ADD3: variants seen among roughly 807,000 people sequenced by gnomAD.
ADD3 encodes the protein gamma-adducin.
In ADD3, 25 loss-of-function variants were observed where a neutral mutation model predicts 80.2. That is an observed-to-expected ratio of 0.31 (90% CI 0.23 to 0.44). The LOEUF (loss-of-function observed/expected upper bound fraction) is 0.44, where lower values mean the gene tolerates loss of function less well. Among genes scored for constraint, ADD3 ranks in the 20% least tolerant of loss-of-function variants. The pLI, the probability that ADD3 is intolerant of heterozygous loss-of-function variation, is 1.00. For missense variants in ADD3, 829 were observed against 847.5 expected (o/e 0.98, Z 0.27); for synonymous variants, 284 against 289.6 (o/e 0.98, Z 0.20).
intron 1 of ADD3, among the ~76,000 whole-genome samples, chr10:110,052,556 T>A (rs765225706): frequency 1.3e-5 from 2 of 152,188 alleles, no homozygotes; most frequent in Non-Finnish European, 2.9e-5. Flanking sequence ...ATCCCCTTTC[T>A]TCCCGACCCC....
rs751347341 is a variant in ADD3, at chr10:110,133,370, C to G, written c.1873C>G (p.Pro625Ala). 37 of 1,604,778 alleles carry G rather than the reference C, an allele frequency of 2.3e-5. No individual in the cohort carries two copies. The highest frequency in any genetic ancestry group is 3.0e-5 in the Non-Finnish European group (35 of 1,172,832). ...CAAGAGCTTCATCTCCATGGAAGTGCCTGTCATGGTAGTAAATGGCAAGGA... is the reference window on the plus strand; with the variant it reads ...CAAGAGCTTCATCTCCATGGAAGTGGCTGTCATGGTAGTAAATGGCAAGGA... ...FSKSFISMEV[P>A]VMVVNGKDDM... Residue 625 changes from proline (P) to alanine (A), a missense_variant, in exon 15 of 15, where the codon CCT becomes GCT. Pro to Ala is a conservative substitution (Grantham distance 27). Coordinates refer to ENST00000356080, the MANE Select transcript of ADD3 (RefSeq NM_016824.5).
chr10:110,111,674 G>A (rs1390133960), intron 2 of ADD3, among the ~76,000 whole-genome samples: 4 of 152,114 alleles, frequency 2.6e-5, no homozygotes, highest in Non-Finnish European at 5.9e-5. Flanking sequence ...CCAGCACTTC[G>A]GAAGGCAGAG....
chr10:110,078,619 C>T (rs1237652432), intron 1 of ADD3, among the ~76,000 whole-genome samples: 1 of 152,138 alleles, frequency 6.6e-6, no homozygotes, highest in East Asian at 1.9e-4. Flanking sequence ...CAGTGTACAG[C>T]TATTAGTTGT....
intron 1 of ADD3, among the ~76,000 whole-genome samples, chr10:110,094,152 C>G (rs1456554476): frequency 6.6e-6 from 1 of 152,034 alleles, no homozygotes; most frequent in Non-Finnish European, 1.5e-5. Context: ...AATTTTAGTT[C>G]TTCTTAATAG....
intron 9 of ADD3, among the ~76,000 whole-genome samples, chr10:110,123,227 A>G (rs1851730432): frequency 6.6e-6 from 1 of 152,152 alleles, no homozygotes; most frequent in South Asian, 2.1e-4. Flanking sequence ...CTTTGGATAT[A>G]TATCTGGTAG....
chr10:110,131,495 T>C (rs142800609), intron 13 of ADD3, among the ~76,000 whole-genome samples: 82 of 152,310 alleles, frequency 5.4e-4, no homozygotes, highest in African/African-American at 1.9e-3. Context: ...CAACATACAG[T>C]TGAAATTTTC....
At chr10:110,130,749 T>A (rs1239153848) in intron 13 of ADD3, among the ~76,000 whole-genome samples, 1 of 151,572 alleles carries the variant, frequency 6.6e-6, no homozygotes, top group Non-Finnish European at 1.5e-5. Context: ...CTAGCTACTC[T>A]GGTGGCTGAG....
chr10:110,028,120 G>A (rs529831896), intron 1 of ADD3, among the ~76,000 whole-genome samples: 4 of 152,308 alleles, frequency 2.6e-5, no homozygotes, highest in East Asian at 3.9e-4. Flanking sequence ...GATGACATAC[G>A]TAAAGTGTGT....
intron 9 of ADD3, among the ~76,000 whole-genome samples, chr10:110,122,635 CTT>C (rs1251037048): frequency 7.5e-6 from 1 of 133,810 alleles, no homozygotes. Flanking sequence ...ATGAGTTCAA[CTT>C]TTTTTTTTTT....
At chr10:110,121,408 G>T (rs1851477446) in intron 8 of ADD3, among the ~76,000 whole-genome samples, 2 of 152,134 alleles carry the variant, frequency 1.3e-5, no homozygotes, top group Admixed American at 6.5e-5. Flanking sequence ...GCTTGAACCC[G>T]GGAGGCGAAG....
At chr10:110,041,665 A>G (rs1303390388) in intron 1 of ADD3, among the ~76,000 whole-genome samples, 1 of 152,198 alleles carries the variant, frequency 6.6e-6, no homozygotes, top group Non-Finnish European at 1.5e-5. Context: ...TCTGTCATAC[A>G]AGAAATGCAA....
intron 1 of ADD3, among the ~76,000 whole-genome samples, chr10:110,060,528 A>G (rs1025181133): frequency 1.3e-5 from 2 of 152,212 alleles, no homozygotes; most frequent in Non-Finnish European, 2.9e-5. Context: ...TAAAGAATCA[A>G]ATGCTTGCTC....
chr10:110,084,116 A>G (rs1392331820), intron 1 of ADD3, among the ~76,000 whole-genome samples: 2 of 152,248 alleles, frequency 1.3e-5, no homozygotes, highest in Non-Finnish European at 2.9e-5. Flanking sequence ...AAATATAGCA[A>G]GCAATTTCAG....
At chr10:110,082,978 G>A (rs1371460783) in intron 1 of ADD3, among the ~76,000 whole-genome samples, 4 of 152,114 alleles carry the variant, frequency 2.6e-5, no homozygotes, top group Non-Finnish European at 5.9e-5. Flanking sequence ...TTTATTCTAA[G>A]ACAAGTAGAG....
intron 1 of ADD3, among the ~76,000 whole-genome samples, chr10:110,040,970 C>CTCTG (rs879945303): frequency 0.13 from 3,423 of 26,228 alleles, 66 homozygotes; most frequent in Non-Finnish European, 0.46. Context: ...CTCTGTCTCT[C>CTCTG]TCTCTCTCTC....
intron 1 of ADD3, among the ~76,000 whole-genome samples, chr10:110,057,450 AC>A (rs1452094551): frequency 3.3e-5 from 5 of 152,124 alleles, no homozygotes; most frequent in Non-Finnish European, 7.4e-5. Flanking sequence ...GGGCTAAGCT[AC>A]CACTCCTAGC....
At chr10:110,049,493 C>T (rs1857254976) in intron 1 of ADD3, among the ~76,000 whole-genome samples, 1 of 152,216 alleles carries the variant, frequency 6.6e-6, no homozygotes, top group Non-Finnish European at 1.5e-5. Context: ...TGCAAAGCCA[C>T]AGGGGCGGAG....
intron 11 of ADD3, 49 bp downstream of exon 11, chr10:110,125,994 G>A (rs762244790): frequency 3.2e-6 from 5 of 1,542,688 alleles, no homozygotes; most frequent in Admixed American, 3.8e-5. Flanking sequence ...ATTGCTTTAT[G>A]TTTAAATCAC....
chr10:110,048,381 T>A (rs1161406892), intron 1 of ADD3, among the ~76,000 whole-genome samples: 1 of 152,174 alleles, frequency 6.6e-6, no homozygotes, highest in Non-Finnish European at 1.5e-5. Flanking sequence ...CCCAAAAATG[T>A]GGAAGCTCCT....
Sources: allele counts gnomAD v4.1 joint callset (sites outside exome capture counted in the v4.1 genomes callset), GRCh38; gene constraint gnomAD v4.1.1; transcripts MANE v1.5; gene names NCBI Gene and HGNC (gene_info 2026-07-23, HGNC 2026-07-21).